Variants in MAGI2 observed in about 807,000 individuals in gnomAD.
MAGI2 encodes the protein membrane associated guanylate kinase, WW and PDZ domain containing 2.
In MAGI2, 35 loss-of-function variants were observed where a neutral mutation model predicts 133.3. The observed-to-expected ratio is 0.26, with a 90% CI of 0.20 to 0.35. MAGI2 has a LOEUF of 0.35. MAGI2 is among the 10% of genes least tolerant of loss of function. The probability of loss-of-function intolerance (pLI) is 1.00; values close to 1 mark genes in which losing one functional copy is unlikely to be tolerated. For synonymous variants in MAGI2, 729 were observed against 710.6 expected, an observed-to-expected ratio of 1.03 and a Z score of -0.41; for missense variants, 1,636 against 1,863.4, an observed-to-expected ratio of 0.88 and a Z score of 2.25.
intron 3 of MAGI2, among the ~76,000 whole-genome samples, chr7:78,610,760 G>T (rs2150909217): frequency 6.6e-6 from 1 of 152,264 alleles, no homozygotes. Context: ...GCATACTTTA[G>T]GAAACACTGG....
intron 1 of MAGI2, among the ~76,000 whole-genome samples, chr7:79,365,141 A>C (rs1842617221): frequency 6.6e-6 from 1 of 152,232 alleles, no homozygotes; most frequent in African/African-American, 2.4e-5. Context: ...AAAAATGTCC[A>C]ATATTATTAG....
intron 2 of MAGI2, among the ~76,000 whole-genome samples, chr7:78,871,752 T>A (rs1327714065): frequency 6.6e-6 from 1 of 152,148 alleles, no homozygotes; most frequent in Admixed American, 6.5e-5. Context: ...AGTTACCATT[T>A]GCATGTAAAT....
intron 1 of MAGI2, chr7:79,412,376 G>T (rs1424195184): frequency 6.6e-6 from 1 of 152,112 alleles, no homozygotes; most frequent in Admixed American, 6.6e-5. Flanking sequence ...TTCTACAACA[G>T]AATTGAAAGA....
chr7:78,131,913 A>C (rs1821599181), intron 18 of MAGI2, among the ~76,000 whole-genome samples: 2 of 152,208 alleles, frequency 1.3e-5, no homozygotes, highest in African/African-American at 2.4e-5. Context: ...TCACTCTGTC[A>C]TCCAGGCTGG....
At chr7:78,716,452 T>G (rs183401374) in intron 2 of MAGI2, among the ~76,000 whole-genome samples, 1 of 152,182 alleles carries the variant, frequency 6.6e-6, no homozygotes, top group East Asian at 1.9e-4. Context: ...GCAAAACTGT[T>G]CCTAAGTTAG....
Position 78,430,240 on chromosome 7 carries a change from CTTTTTTTTT to C in MAGI2, c.1045+59512_1045+59520del, listed in dbSNP as rs545809101. On this transcript the variant is annotated intron_variant, in intron 6 of 21. Transcript: ENST00000354212. ...GTATTACTGTCTGTTCTGGAAAAGC[CTTTTTTTTT>C]TTTTTTTTTTTTTTTTAATAAGAGG... is the stretch of plus-strand genomic sequence containing the variant. Among the ~76,000 whole-genome samples, 77 of 76,644 alleles carry C rather than the reference CTTTTTTTTT, an allele frequency of 1.0e-3. 1 individual carries two copies. The highest frequency in any genetic ancestry group is 4.2e-3 in the African/African-American group (75 of 18,014). 50.3% of individuals were successfully genotyped at this position (76,644 alleles called of 152,430 possible). A position where few individuals can be genotyped will look rare whatever the true frequency, so the allele number is the denominator to read the frequency against.
At chr7:78,863,962 G>A (rs1794352886) in intron 2 of MAGI2, among the ~76,000 whole-genome samples, 1 of 152,154 alleles carries the variant, frequency 6.6e-6, no homozygotes, top group Non-Finnish European at 1.5e-5. Flanking sequence ...TATGCATATG[G>A]GGACCAGGCA....
At chr7:78,920,161 C>A (rs574648916) in intron 2 of MAGI2, among the ~76,000 whole-genome samples, 18 of 152,222 alleles carry the variant, frequency 1.2e-4, no homozygotes, top group African/African-American at 4.3e-4. Context: ...TCATTATTTT[C>A]ATGTCATGGA....
chr7:78,027,080 G>A (rs1002061848), intron 21 of MAGI2, among the ~76,000 whole-genome samples: 2 of 152,172 alleles, frequency 1.3e-5, no homozygotes, highest in African/African-American at 4.8e-5. Flanking sequence ...GGCATTGAAT[G>A]GCTTTCGGAA....
At chr7:78,323,850 A>C (rs1294622448) in intron 9 of MAGI2, among the ~76,000 whole-genome samples, 2 of 152,204 alleles carry the variant, frequency 1.3e-5, no homozygotes. Context: ...TTAAAAATGC[A>C]AAGTGACTTC....
rs1431659226 is a variant in MAGI2, at chr7:79,368,803, G to GTGCCA, written c.301+84212_301+84216dup. 2.2e-5 allele frequency among the ~76,000 whole-genome samples: 3 copies of GTGCCA among 135,202 alleles called. No homozygotes were observed. In the East Asian group the frequency reaches 7.2e-4, roughly 33 times the overall value. 88.7% of individuals were successfully genotyped at this position (135,202 alleles called of 152,430 possible). On this transcript the variant is annotated intron_variant, in intron 1 of 21. Coordinates refer to ENST00000354212, the MANE Select transcript of MAGI2 (RefSeq NM_012301.4). ...GCGGAGCTTGCAGTGAGCCGAGATT[G>GTGCCA]TGCCACTGCACTCCAGCCTGGGCGA...
intron 2 of MAGI2, among the ~76,000 whole-genome samples, chr7:78,827,859 G>A (rs1206748528): frequency 6.6e-6 from 1 of 151,996 alleles, no homozygotes; most frequent in Non-Finnish European, 1.5e-5. Context: ...CACCCTTGAG[G>A]AGGTGAAGCA....
intron 1 of MAGI2, among the ~76,000 whole-genome samples, chr7:79,234,436 C>T (rs535073591): frequency 2.6e-5 from 4 of 151,902 alleles, no homozygotes; most frequent in Non-Finnish European, 5.9e-5. Flanking sequence ...GTACACCAAT[C>T]AGACGTAGAT....
Position 78,249,493 on chromosome 7 carries a change from T to C in MAGI2, c.2047+6450A>G, listed in dbSNP as rs142051039. Among the ~76,000 whole-genome samples the C allele has an allele frequency of 3.2e-3, 486 of 151,836 alleles. 1 individual carries two copies. Among genetic ancestry groups the C allele is most frequent in the Admixed American group, 5.4e-3 (83 of 15,244 alleles). Reference sequence around the variant, plus strand: ...TCAATGGATGAATGGTTAAAGAAAATGTGGTAAATCTACACAATGGAATAC... The same window carrying C: ...TCAATGGATGAATGGTTAAAGAAAACGTGGTAAATCTACACAATGGAATAC... On this transcript the variant is annotated intron_variant, in intron 10 of 21. Coordinates refer to ENST00000354212, the MANE Select transcript of MAGI2 (RefSeq NM_012301.4).
At position 78,841,647 on chromosome 7, in the gene MAGI2, C is replaced by T. The variant is rs536743603; in HGVS notation, c.418+165443G>A. Among the ~76,000 whole-genome samples the T allele has an allele frequency of 9.2e-5, 14 of 152,058 alleles. 1 individual carries two copies. Among genetic ancestry groups the T allele is most frequent in the South Asian group, 4.1e-4 (2 of 4,824 alleles). ...AACTGAATATCTAACTGATGCCTAA[C>T]GCTAAATTACACAAAACTAAACATT... On this transcript the variant is annotated intron_variant, in intron 2 of 21. Coordinates refer to ENST00000354212, the MANE Select transcript of MAGI2 (RefSeq NM_012301.4).
chr7:78,994,097 A>G lies in MAGI2; in HGVS notation c.418+12993T>C, dbSNP rs1806056847. ...AAGTTTTGTCAACTTGTGTCACCAT[A>G]TTATTGCGCCCAAAGAAAACCAGTA... On this transcript the variant is annotated intron_variant, in intron 2 of 21. Transcript: ENST00000354212. Among the ~76,000 whole-genome samples the G allele has an allele frequency of 2.0e-5, 3 of 152,126 alleles. No individual in the cohort carries two copies. The South Asian group carries it at 6.2e-4, about 32-fold the overall frequency.
chr7:78,384,959 G>C (rs1795244493), intron 6 of MAGI2, among the ~76,000 whole-genome samples: 1 of 152,154 alleles, frequency 6.6e-6, no homozygotes, highest in African/African-American at 2.4e-5. Context: ...ATAACACTGG[G>C]TGTAAGCAGC....
chr7:78,792,370 CT>C (rs1331391927), intron 2 of MAGI2, among the ~76,000 whole-genome samples: 59 of 152,200 alleles, frequency 3.9e-4, no homozygotes, highest in African/African-American at 1.3e-3. Context: ...TGAACAACAC[CT>C]TATATAATTA....
chr7:79,362,706 C>T (rs962722850), intron 1 of MAGI2, among the ~76,000 whole-genome samples: 3 of 151,872 alleles, frequency 2.0e-5, no homozygotes, highest in African/African-American at 7.2e-5. Flanking sequence ...TCAATGAATG[C>T]AGATAAAGCC....
Sources: allele counts gnomAD v4.1 joint callset (sites outside exome capture counted in the v4.1 genomes callset), GRCh38; gene constraint gnomAD v4.1.1; transcripts MANE v1.5; gene names NCBI Gene and HGNC (gene_info 2026-07-23, HGNC 2026-07-21).